Variants in PTPRM observed in about 807,000 individuals in gnomAD.
The protein encoded by PTPRM is protein tyrosine phosphatase receptor type M.
Under a neutral mutation model 186.7 loss-of-function variants are expected in PTPRM, and 47 were observed. That is an observed-to-expected ratio of 0.25 (90% CI 0.20 to 0.32). The LOEUF (loss-of-function observed/expected upper bound fraction) is 0.32, where lower values mean the gene tolerates loss of function less well. Among genes scored for constraint, PTPRM ranks in the 10% least tolerant of loss-of-function variants. PTPRM has a pLI of 1.00. For synonymous variants in PTPRM, 668 were observed against 674.9 expected (o/e 0.99, Z 0.16); for missense variants, 1,494 against 1,865.0 (o/e 0.80, Z 3.66).
chr18:7,792,009 A>G (rs1293155782), intron 2 of PTPRM, among the ~76,000 whole-genome samples: 1 of 152,222 alleles, frequency 6.6e-6, no homozygotes. Context: ...GAGCAAAGAT[A>G]TATGAGCATA....
intron 7 of PTPRM, among the ~76,000 whole-genome samples, chr18:7,966,152 A>G (rs1322360444): frequency 6.6e-6 from 1 of 152,226 alleles, no homozygotes; most frequent in African/African-American, 2.4e-5. Context: ...AGTGAATAGA[A>G]TGCTTTAAAA....
At chr18:8,095,037 T>A (rs1353970631) in intron 11 of PTPRM, among the ~76,000 whole-genome samples, 1 of 152,116 alleles carries the variant, frequency 6.6e-6, no homozygotes, top group Non-Finnish European at 1.5e-5. Context: ...GTGCTAGGAT[T>A]GGATTTGTTA....
intron 1 of PTPRM, among the ~76,000 whole-genome samples, chr18:7,737,733 C>T (rs1312967211): frequency 6.6e-6 from 1 of 152,170 alleles, no homozygotes; most frequent in Non-Finnish European, 1.5e-5. Flanking sequence ...GTCTTCTGTA[C>T]CTTTGGACCA....
intron 22 of PTPRM, among the ~76,000 whole-genome samples, chr18:8,329,052 G>A (rs1396412317): frequency 6.6e-5 from 10 of 152,192 alleles, no homozygotes; most frequent in African/African-American, 2.4e-4. Flanking sequence ...TCTAATAAGA[G>A]AACCAAAATT....
intron 2 of PTPRM, among the ~76,000 whole-genome samples, chr18:7,861,002 G>A (rs982385102): frequency 6.6e-6 from 1 of 152,120 alleles, no homozygotes; most frequent in Non-Finnish European, 1.5e-5. Context: ...CTTCCACTGA[G>A]AAAGAAGCCA....
intron 7 of PTPRM, among the ~76,000 whole-genome samples, chr18:7,993,589 AGAAAAAGACTCCTGGT>A (rs1423882650): frequency 6.6e-6 from 1 of 152,138 alleles, no homozygotes; most frequent in Non-Finnish European, 1.5e-5. Flanking sequence ...ACTGAAAGCA[AGAAAAAGACTCCTGGT>A]GAAGAATACT....
chr18:7,661,978 TACAA>T, intron 1 of PTPRM, among the ~76,000 whole-genome samples: 1 of 152,304 alleles, frequency 6.6e-6, no homozygotes, highest in Admixed American at 6.5e-5. Context: ...AATGCAGTGG[TACAA>T]TCACAGCTCA....
chr18:8,036,175 G>A (rs906744117), intron 7 of PTPRM, among the ~76,000 whole-genome samples: 2 of 152,188 alleles, frequency 1.3e-5, no homozygotes, highest in African/African-American at 4.8e-5. Flanking sequence ...GGGTAACTCC[G>A]GGGAACAGAA....
intron 14 of PTPRM, among the ~76,000 whole-genome samples, chr18:8,171,248 C>A (rs1341772676): frequency 6.6e-6 from 1 of 152,206 alleles, no homozygotes; most frequent in African/African-American, 2.4e-5. Context: ...GGTTATGCTT[C>A]TTGCATCCAG....
intron 2 of PTPRM, among the ~76,000 whole-genome samples, chr18:7,779,412 G>T (rs769874081): frequency 6.6e-6 from 1 of 152,182 alleles, no homozygotes; most frequent in Non-Finnish European, 1.5e-5. Flanking sequence ...GTGGGTGCCC[G>T]TATGAAAGAC....
At chr18:7,590,303 T>G (rs573412602) in intron 1 of PTPRM, among the ~76,000 whole-genome samples, 1 of 152,306 alleles carries the variant, frequency 6.6e-6, no homozygotes, top group South Asian at 2.1e-4. Context: ...TGAACGGGAC[T>G]GAAGAAGATA....
intron 19 of PTPRM, among the ~76,000 whole-genome samples, chr18:8,271,957 A>T (rs2094777109): frequency 6.6e-6 from 1 of 152,152 alleles, no homozygotes; most frequent in Non-Finnish European, 1.5e-5. Context: ...CACGCCTGTA[A>T]TCCCAGCACT....
At chr18:7,658,351 T>TATATATATATATATACAC (rs1296978439) in intron 1 of PTPRM, among the ~76,000 whole-genome samples, 6 of 133,832 alleles carry the variant, frequency 4.5e-5, no homozygotes, top group African/African-American at 1.9e-4. Context: ...TATATATATA[T>TATATATATATATATACAC]ATATATATAC....
intron 11 of PTPRM, among the ~76,000 whole-genome samples, chr18:8,109,197 T>C (rs2091653299): frequency 6.6e-6 from 1 of 152,204 alleles, no homozygotes. Context: ...TAGGTGCTAA[T>C]AATGTGTTAA....
chr18:7,808,725 A>G (rs934456389), intron 2 of PTPRM, among the ~76,000 whole-genome samples: 3 of 152,210 alleles, frequency 2.0e-5, no homozygotes, highest in African/African-American at 4.8e-5. Context: ...AAAGTTTTTG[A>G]TGGGTTGGAT....
chr18:7,919,122 T>G (rs1035653591), intron 4 of PTPRM, among the ~76,000 whole-genome samples: 1 of 152,182 alleles, frequency 6.6e-6, no homozygotes, highest in Non-Finnish European at 1.5e-5. Flanking sequence ...GATTTATTAC[T>G]GGGTTCTCTG....
chr18:8,183,462 T>A (rs1458538175), intron 14 of PTPRM, among the ~76,000 whole-genome samples: 1 of 152,208 alleles, frequency 6.6e-6, no homozygotes, highest in Non-Finnish European at 1.5e-5. Context: ...CTGTGTTGTT[T>A]GTCCTGCAAT....
At chr18:7,721,482 C>A (rs966310170) in intron 1 of PTPRM, among the ~76,000 whole-genome samples, 1 of 151,794 alleles carries the variant, frequency 6.6e-6, no homozygotes, top group African/African-American at 2.4e-5. Context: ...TGATGTAATC[C>A]ATTTTATCTA....
intron 2 of PTPRM, among the ~76,000 whole-genome samples, chr18:7,799,944 C>T (rs1403131812): frequency 6.6e-6 from 1 of 152,108 alleles, no homozygotes; most frequent in Non-Finnish European, 1.5e-5. Flanking sequence ...TTTATGCTGT[C>T]CTTACCTTTA....
Sources: gnomAD v4.1 joint callset for allele counts (sites outside exome capture counted in the v4.1 genomes callset) on GRCh38, gnomAD v4.1.1 for gene constraint, MANE v1.5 for transcripts, NCBI Gene and HGNC (gene_info 2026-07-23, HGNC 2026-07-21) for gene names.